SYCP2L: variants seen among roughly 807,000 people sequenced by gnomAD.
SYCP2L encodes synaptonemal complex protein 2-like.
Under a neutral mutation model 125.8 loss-of-function variants are expected in SYCP2L, and 98 were observed. The observed-to-expected ratio is 0.78, with a 90% CI of 0.66 to 0.92. The LOEUF (loss-of-function observed/expected upper bound fraction) is 0.92, where lower values mean the gene tolerates loss of function less well. SYCP2L is among the 40% of genes least tolerant of loss of function. The probability of loss-of-function intolerance (pLI) is 0.00; values close to 1 mark genes in which losing one functional copy is unlikely to be tolerated. For missense variants in SYCP2L, 842 were observed against 936.4 expected (o/e 0.90, Z 1.32); for synonymous variants, 317 against 325.4 (o/e 0.97, Z 0.28).
rs191293413 is a variant in SYCP2L, at chr6:10,899,144, G to C, written c.466+296G>C. On this transcript the variant is annotated intron_variant, in intron 6 of 29. Coordinates refer to ENST00000283141, the MANE Select transcript of SYCP2L (RefSeq NM_001040274.3). ...AATATGCAAAAATTTAGCTACTACT[G>C]ATTTAACTTGGAGCTGATTCAGATG... is the stretch of plus-strand genomic sequence containing the variant. Among the ~76,000 whole-genome samples the C allele has an allele frequency of 2.5e-3, 381 of 152,318 alleles. 2 individuals are homozygous for C. Among genetic ancestry groups the C allele is most frequent in the Middle Eastern group, 6.8e-3 (2 of 294 alleles).
chr6:10,967,797 G>A (rs1313225739), intron 29 of SYCP2L, among the ~76,000 whole-genome samples: 1 of 152,144 alleles, frequency 6.6e-6, no homozygotes, highest in African/African-American at 2.4e-5. Flanking sequence ...TTCCTAGTTA[G>A]CATAGTGCTG....
chr6:10,914,660 G>A (rs532397422), intron 14 of SYCP2L, among the ~76,000 whole-genome samples: 36 of 151,356 alleles, frequency 2.4e-4, no homozygotes, highest in African/African-American at 5.8e-4. Flanking sequence ...TGTTTGTGTC[G>A]TCTATGATTT....
intron 1 of SYCP2L, 64 bp downstream of exon 1, chr6:10,887,199 G>A: frequency 6.2e-7 from 1 of 1,607,198 alleles, no homozygotes; most frequent in Non-Finnish European, 8.5e-7. Context: ...AGGGCGCGGG[G>A]TCCCTGGGGC....
chr6:10,968,871 C>T (rs2113432458), intron 29 of SYCP2L, among the ~76,000 whole-genome samples: 1 of 152,290 alleles, frequency 6.6e-6, no homozygotes, highest in South Asian at 2.1e-4. Flanking sequence ...TCTCTGAGAG[C>T]CCTGTGTTCT....
At chr6:10,931,029 G>C (rs909759408) in intron 19 of SYCP2L, among the ~76,000 whole-genome samples, 2 of 152,110 alleles carry the variant, frequency 1.3e-5, no homozygotes, top group Non-Finnish European at 2.9e-5. Context: ...ACATTAGCTG[G>C]GCATGGTGGT....
At chr6:10,971,583 A>G (rs1445569558) in intron 29 of SYCP2L, among the ~76,000 whole-genome samples, 1 of 152,156 alleles carries the variant, frequency 6.6e-6, no homozygotes, top group Non-Finnish European at 1.5e-5. Flanking sequence ...TGATCCAGAG[A>G]CAACCACCTC....
At chr6:10,947,261 G>T (rs1240905037) in intron 23 of SYCP2L, among the ~76,000 whole-genome samples, 1 of 151,868 alleles carries the variant, frequency 6.6e-6, no homozygotes, top group African/African-American at 2.4e-5. Context: ...GTTGACTTTA[G>T]TTGTTCAAGG....
chr6:10,942,450 A>G lies in SYCP2L; in HGVS notation c.1814-9A>G, dbSNP rs1392241720. 2 of 1,556,080 alleles carry G rather than the reference A, an allele frequency of 1.3e-6. No individual in the cohort carries two copies. The highest frequency in any genetic ancestry group is 1.2e-5 in the South Asian group (1 of 81,840). On this transcript the variant is annotated splice_polypyrimidine_tract_variant and intron_variant, in intron 21 of 29. Transcript: ENST00000283141. ...GTGTATTCACTTGAAACTTCTCTCT[A>G]ATGCTCAGAGCTTCAAGATCCTCAC...
At position 10,887,064 on chromosome 6, in the gene SYCP2L, G is replaced by C; in HGVS notation, c.-63G>C. On this transcript the variant is annotated 5_prime_UTR_variant, in exon 1 of 30. Transcript: ENST00000283141. ...GGGGCTCTTGGGCGGGGAAGCAGGAGAGGGCCGACCGAGCGCAACAAAGCT... is the reference window on the plus strand; with the variant it reads ...GGGGCTCTTGGGCGGGGAAGCAGGACAGGGCCGACCGAGCGCAACAAAGCT... 1 of 1,611,912 alleles carries C rather than the reference G, an allele frequency of 6.2e-7. No homozygotes were observed. The highest frequency in any genetic ancestry group is 1.1e-5 in the South Asian group (1 of 90,888).
At position 10,907,411 on chromosome 6, in the gene SYCP2L, G is replaced by A. The variant is rs116022603; in HGVS notation, c.677-131G>A. 8.1e-3 allele frequency: 5,799 copies of A among 718,128 alleles called. 38 individuals carry two copies. Among genetic ancestry groups the A allele is most frequent in the Non-Finnish European group, 0.01 (4,616 of 461,016 alleles). The allele number at this position is 718,128 out of a possible 1,614,324, so 44.5% of individuals were successfully genotyped here. On this transcript the variant is annotated intron_variant, in intron 9 of 29. Transcript: ENST00000283141. ...ATTACTCCAGGATGCATTTTGCTGT[G>A]GTAACTTTTTAAGACACAATGCTAG...
chr6:10,887,632 A>G (rs1028803154), intron 1 of SYCP2L, among the ~76,000 whole-genome samples: 3 of 152,176 alleles, frequency 2.0e-5, no homozygotes, highest in Admixed American at 1.3e-4. Flanking sequence ...AAAACAACAA[A>G]CAAAAACCAC....
intron 23 of SYCP2L, among the ~76,000 whole-genome samples, chr6:10,947,350 A>G (rs1197330274): frequency 1.3e-5 from 2 of 152,116 alleles, no homozygotes; most frequent in East Asian, 1.9e-4. Context: ...TAGAAATTGC[A>G]TTAAATATAT....
intron 29 of SYCP2L, among the ~76,000 whole-genome samples, chr6:10,971,005 G>A (rs1014694976): frequency 7.2e-5 from 11 of 152,098 alleles, no homozygotes; most frequent in African/African-American, 4.8e-5. Context: ...GGGGGAAGGC[G>A]GTTACCGAGG....
At chr6:10,898,154 T>G (rs1780291649) in intron 5 of SYCP2L, 39 bp downstream of exon 5, 1 of 1,394,270 alleles carries the variant, frequency 7.2e-7, no homozygotes, top group African/African-American at 1.4e-5. Context: ...CAGATGCCAT[T>G]GGTAATTGGC....
intron 10 of SYCP2L, among the ~76,000 whole-genome samples, chr6:10,908,392 G>A (rs1047238235): frequency 6.6e-6 from 1 of 152,184 alleles, no homozygotes. Flanking sequence ...GTATTATGGG[G>A]TGGTTGTGTT....
chr6:10,900,358 C>G (rs1405902746), intron 6 of SYCP2L, among the ~76,000 whole-genome samples: 1 of 127,990 alleles, frequency 7.8e-6, no homozygotes, highest in Non-Finnish European at 1.8e-5. Flanking sequence ...CTTTTCTTTT[C>G]TTTTTTTTTT....
intron 20 of SYCP2L, among the ~76,000 whole-genome samples, chr6:10,933,805 CAATT>C (rs1272036168): frequency 6.6e-6 from 1 of 152,056 alleles, no homozygotes; most frequent in Non-Finnish European, 1.5e-5. Context: ...AGTAAAATCT[CAATT>C]AACTCAATTA....
chr6:10,944,514 T>C (rs185382132), intron 23 of SYCP2L, among the ~76,000 whole-genome samples: 1 of 152,216 alleles, frequency 6.6e-6, no homozygotes, highest in East Asian at 1.9e-4. Context: ...AAATCAAAGC[T>C]TTTAATTTTA....
rs373124722 is a variant in SYCP2L, at chr6:10,926,407, T to C, written c.1287T>C (p.Ser429=). The change falls in exon 16 of 30, where the codon AGT becomes AGC. Residue 429 remains serine (S), a synonymous_variant. Coordinates refer to ENST00000283141, the MANE Select transcript of SYCP2L (RefSeq NM_001040274.3). ...AGTCTGATAAAGAAGACAGGGAGAG[T>C]CCCAGTGGCCTTGAAAGAGAAACAG... ...FSKSDKEDRE[S]PSGLERETEQ... The C allele has an allele frequency of 9.3e-6, 15 of 1,612,844 alleles. No homozygotes were observed. The highest frequency in any genetic ancestry group is 2.7e-5 in the African/African-American group (2 of 74,612).
Sources: gnomAD v4.1 joint callset for allele counts (sites outside exome capture counted in the v4.1 genomes callset) on GRCh38, gnomAD v4.1.1 for gene constraint, MANE v1.5 for transcripts, NCBI Gene and HGNC (gene_info 2026-07-23, HGNC 2026-07-21) for gene names.